Variants in REXO1 observed in about 807,000 individuals in gnomAD.
REXO1 encodes the protein RNA exonuclease 1 homolog, also known as REX1, RNA exonuclease 1 homolog.
Under a neutral mutation model 102.6 loss-of-function variants are expected in REXO1, and 42 were observed. That is an observed-to-expected ratio of 0.41 (90% confidence interval 0.32 to 0.53). REXO1 has a LOEUF of 0.53. Ranked by LOEUF, REXO1 falls within the 20% of genes least tolerant of loss-of-function variation. REXO1 has a pLI of 0.27. For missense variants in REXO1, 1,819 were observed against 1,732.5 expected, an observed-to-expected ratio of 1.05 and a Z score of -0.89; for synonymous variants, 908 against 779.1, an observed-to-expected ratio of 1.17 and a Z score of -2.76.
chr19:1,847,417 G>A lies in REXO1; in HGVS notation c.157+785C>T, dbSNP rs554170954. ...GAAGTCAGGGGCTGGGTGAAGCAGAGAGCCACTATCAAGGGACAGAGGTAA... is the reference window on the plus strand; with the variant it reads ...GAAGTCAGGGGCTGGGTGAAGCAGAAAGCCACTATCAAGGGACAGAGGTAA... On this transcript the variant is annotated intron_variant, in intron 1 of 15. Transcript: ENST00000170168. Among the ~76,000 whole-genome samples the A allele has an allele frequency of 5.3e-5, 8 of 152,314 alleles. No individual in the cohort carries two copies. In the South Asian group the frequency reaches 1.7e-3, roughly 32 times the overall value.
chr19:1,827,394 G>A lies in REXO1; in HGVS notation c.1395C>T (p.Ser465=). Residue 465 remains serine (S), a synonymous_variant, in exon 2 of 16, where the codon TCC becomes TCT. Coordinates refer to ENST00000170168, the MANE Select transcript of REXO1 (RefSeq NM_020695.4). ...GTGGGCCTCTGCCGGCCGCCGGTCG[G>A]GAGTCCCCGCTTGTGGGGCTCGGCC... is the stretch of plus-strand genomic sequence containing the variant. The part of the protein sequence containing the change: ...ARRPSPTSGD[S]RPAAGRGPPR... 6.5e-7 allele frequency: 1 copy of A among 1,542,482 alleles called. No individual in the cohort carries two copies. The highest frequency in any genetic ancestry group is 8.7e-7 in the Non-Finnish European group (1 of 1,152,188).
At chr19:1,832,893 C>T (rs529084275) in intron 1 of REXO1, among the ~76,000 whole-genome samples, 68 of 129,034 alleles carry the variant, frequency 5.3e-4, no homozygotes, top group African/African-American at 1.9e-3. Context: ...TCCAGCCTGG[C>T]GACAGAGCAA....
rs1458570783 is a variant in REXO1 at position 1,828,572 on chromosome 19, C to G, written c.217G>C (p.Gly73Arg). The change falls in exon 2 of 16, where the codon GGC (glycine) becomes CGC (arginine). Residue 73 changes from glycine (G) to arginine (R), a missense_variant. Coordinates refer to ENST00000170168, the MANE Select transcript of REXO1 (RefSeq NM_020695.4). ...LPKPPAQREN[G>R]TLGLGEEPRP... The stretch of plus-strand genomic sequence containing the variant: ...GGCTCCTCCCCCAGGCCCAGGGTGC[C>G]ATTCTCCCTCTGCGCGGGGGGCTTG... 1 of 1,603,958 alleles carries G rather than the reference C, an allele frequency of 6.2e-7. No homozygotes were observed. Among genetic ancestry groups the G allele is most frequent in the East Asian group, 2.2e-5 (1 of 44,892 alleles).
intron 3 of REXO1, chr19:1,824,646 C>CAA (rs997190030): frequency 6.6e-6 from 1 of 152,152 alleles, no homozygotes; most frequent in African/African-American, 2.4e-5. Flanking sequence ...AAAATTGAAG[C>CAA]AAATGTTAAG....
At chr19:1,834,327 GT>G (rs1355663983) in intron 1 of REXO1, among the ~76,000 whole-genome samples, 3 of 152,220 alleles carry the variant, frequency 2.0e-5, no homozygotes, top group Non-Finnish European at 4.4e-5. Context: ...CCTCCCAGGA[GT>G]GGAGCCAGGC....
rs796733303 is a variant in REXO1 at position 1,837,496 on chromosome 19, G to A, written c.158-8865C>T. On this transcript the variant is annotated intron_variant, in intron 1 of 15. Transcript: ENST00000170168. ...AACAGGGTCACCTGGAGAGGGCTTC[G>A]AGGAAAAGTCCAGCCAGTGCCGGGG... 1.1e-4 allele frequency among the ~76,000 whole-genome samples: 17 copies of A among 152,326 alleles called. 2 individuals are homozygous for A. Among genetic ancestry groups the A allele is most frequent in the African/African-American group, 4.1e-4 (17 of 41,574 alleles).
chr19:1,847,032 C>T, intron 1 of REXO1, among the ~76,000 whole-genome samples: 1 of 152,294 alleles, frequency 6.6e-6, no homozygotes, highest in Middle Eastern at 3.4e-3. Context: ...ACCTATGCTA[C>T]GGGATCTGTA....
Position 1,848,188 on chromosome 19 carries a change from C to A in REXO1, c.157+14G>T. ...GGGAGCCGAGCCCAAGGCAAGCAGGCGGGCGGGCATTACCTGCTGCGGGGG... is the reference window on the plus strand; with the variant it reads ...GGGAGCCGAGCCCAAGGCAAGCAGGAGGGCGGGCATTACCTGCTGCGGGGG... On this transcript the variant is annotated intron_variant, in intron 1 of 15. Transcript: ENST00000170168. 8.4e-7 allele frequency: 1 copy of A among 1,192,874 alleles called. No individual in the cohort carries two copies. Among genetic ancestry groups the A allele is most frequent in the Non-Finnish European group, 1.0e-6 (1 of 953,332 alleles). 73.9% of individuals were successfully genotyped at this position (1,192,874 alleles called of 1,614,324 possible). A position where few individuals can be genotyped will look rare whatever the true frequency, so the allele number is the denominator to read the frequency against.
intron 1 of REXO1, among the ~76,000 whole-genome samples, chr19:1,843,307 A>G (rs1035684491): frequency 6.6e-6 from 1 of 151,532 alleles, no homozygotes; most frequent in South Asian, 2.1e-4. Flanking sequence ...AGCTGGGCAA[A>G]GCTTCAACCC....
At chr19:1,834,061 G>A (rs1483815290) in intron 1 of REXO1, among the ~76,000 whole-genome samples, 4 of 152,190 alleles carry the variant, frequency 2.6e-5, no homozygotes, top group African/African-American at 7.2e-5. Context: ...GCATCTCTAA[G>A]GGGCTAAGGA....
intron 1 of REXO1, among the ~76,000 whole-genome samples, chr19:1,832,099 C>CT (rs1180074115): frequency 1.3e-5 from 2 of 152,150 alleles, no homozygotes; most frequent in African/African-American, 4.8e-5. Context: ...TCACAGGGTC[C>CT]TTTAAAGAGG....
chr19:1,816,376 G>C lies in REXO1; in HGVS notation c.3457-31C>G, dbSNP rs530385958. On this transcript the variant is annotated intron_variant, in intron 14 of 15. Coordinates refer to ENST00000170168, the MANE Select transcript of REXO1 (RefSeq NM_020695.4). ...GGCAGCGGCAGAGATCAGCGCACGT[G>C]GGGCCTGCGCAGGTCCTGCTGGAGA... 7.5e-6 allele frequency: 12 copies of C among 1,594,800 alleles called. No individual in the cohort carries two copies. The South Asian group carries it at 1.3e-4, about 18-fold the overall frequency.
rs1003372863 is a variant in REXO1 at position 1,823,168 on chromosome 19, C to T, written c.2230+404G>A. Reference sequence around the variant, plus strand: ...AAATACAGCCCCACTCCTGGGAAGACAGCACTCATTTCCATCAGAGGCCAC... The same window carrying T: ...AAATACAGCCCCACTCCTGGGAAGATAGCACTCATTTCCATCAGAGGCCAC... On this transcript the variant is annotated intron_variant, in intron 4 of 15. Coordinates refer to ENST00000170168, the MANE Select transcript of REXO1 (RefSeq NM_020695.4). 2.0e-5 allele frequency: 4 copies of T among 196,706 alleles called. No individual in the cohort carries two copies. In the East Asian group the frequency reaches 3.4e-4, roughly 17 times the overall value. 12.2% of individuals were successfully genotyped at this position (196,706 alleles called of 1,614,324 possible). A position where few individuals can be genotyped will look rare whatever the true frequency, so the allele number is the denominator to read the frequency against.
rs907401053 is a variant in REXO1 at position 1,826,664 on chromosome 19, T to G, written c.1911+214A>C. ...AGCCTGGCTGGTGGCCACGGGCCAG[T>G]GACCTCTGGGTGGGTGAGGGGCAAC... On this transcript the variant is annotated intron_variant, in intron 2 of 15. Transcript: ENST00000170168. The surrounding 1 kb of genome is among the most constrained non-coding windows in gnomAD (Gnocchi z 4.3). Among the ~76,000 whole-genome samples, 1 of 147,610 alleles carries G rather than the reference T, an allele frequency of 6.8e-6. No homozygotes were observed. The highest frequency in any genetic ancestry group is 2.1e-4 in the South Asian group (1 of 4,732).
intron 1 of REXO1, among the ~76,000 whole-genome samples, chr19:1,839,122 G>A (rs957485885): frequency 1.3e-4 from 20 of 151,686 alleles, no homozygotes; most frequent in African/African-American, 4.4e-4. Context: ...TGGGCGTGGC[G>A]GCGTGCTCCT....
At chr19:1,843,874 G>A (rs149320347) in intron 1 of REXO1, among the ~76,000 whole-genome samples, 1 of 152,368 alleles carries the variant, frequency 6.6e-6, no homozygotes, top group African/African-American at 2.4e-5. Context: ...GCAGCCAGCG[G>A]GAGCTCCTGA....
In REXO1 at chr19:1,827,332, T is replaced by G. The variant is rs994162581; in HGVS notation, c.1457A>C (p.Lys486Thr). Residue 486 changes from lysine to threonine, a missense_variant, in exon 2 of 16, where the codon AAG (lysine) becomes ACG (threonine). Transcript: ENST00000170168. ...CTCCACTAGCTTCCCCGACGGGGCC[T>G]TGGTGCTCTTCCTGTCGGGCAGCTG... ...PLQLPDRKST[K>T]APSGKLVERK... 6.4e-7 allele frequency: 1 copy of G among 1,557,022 alleles called. No individual in the cohort carries two copies. Among genetic ancestry groups the G allele is most frequent in the African/African-American group, 1.4e-5 (1 of 73,734 alleles).
At chr19:1,820,082 G>A (rs762901808) in intron 6 of REXO1, 25 bp from the exon 7 acceptor site, 1 of 1,594,898 alleles carries the variant, frequency 6.3e-7, no homozygotes, top group Admixed American at 1.9e-5. Flanking sequence ...GTGCCCAGCT[G>A]AGGCCATGCC....
intron 4 of REXO1, 104 bp from the exon 5 acceptor site, chr19:1,821,786 C>G (rs943875009): frequency 1.9e-6 from 2 of 1,064,620 alleles, no homozygotes; most frequent in South Asian, 3.1e-5. Context: ...GCACGTGCAT[C>G]TCCGCGTGCA....
Sources: allele counts gnomAD v4.1 joint callset (sites outside exome capture counted in the v4.1 genomes callset), GRCh38; gene constraint gnomAD v4.1.1; non-coding constraint Gnocchi (gnomAD v3.1); transcripts MANE v1.5; gene names NCBI Gene and HGNC (gene_info 2026-07-23, HGNC 2026-07-21).